Variants in PBX1 observed in about 807,000 individuals in gnomAD.
PBX1 encodes the protein PBX homeobox 1, also known as pre-B-cell leukemia transcription factor 1.
PBX1 carries 6 observed loss-of-function variants against 53.4 expected under a neutral mutation model. The ratio of observed to expected loss-of-function variants is 0.11; its 90% confidence interval spans 0.06 to 0.22. The LOEUF is 0.22. Ranked by LOEUF, PBX1 falls within the 10% of genes least tolerant of loss-of-function variation. PBX1 has a pLI of 1.00. For missense variants in PBX1, 251 were observed against 551.4 expected (o/e 0.46, Z 5.46); for synonymous variants, 204 against 212.3 (o/e 0.96, Z 0.34).
intron 2 of PBX1, among the ~76,000 whole-genome samples, chr1:164,659,109 C>T (rs1380270914): frequency 6.6e-6 from 1 of 152,162 alleles, no homozygotes; most frequent in Admixed American, 6.5e-5. Context: ...TCTCTTTTTC[C>T]CTACAATGAA....
chr1:164,830,193 A>G lies in PBX1; in HGVS notation c.1200+8567A>G, dbSNP rs544667693. 2.0e-5 allele frequency among the ~76,000 whole-genome samples: 3 copies of G among 152,318 alleles called. No homozygotes were observed. The South Asian group carries it at 6.2e-4, about 32-fold the overall frequency. On this transcript the variant is annotated intron_variant, in intron 8 of 8. Transcript: ENST00000420696. ...AAAATATAATTTAAAAATTTAGAAT[A>G]GCTAGGAACTATGAAAAGTAGGAAG...
Position 164,586,360 on chromosome 1 carries a change from G to C in PBX1, c.265+23049G>C, listed in dbSNP as rs568286656. 2.6e-5 allele frequency among the ~76,000 whole-genome samples: 4 copies of C among 152,348 alleles called. No homozygotes were observed. In the South Asian group the frequency reaches 8.3e-4, roughly 32 times the overall value. On this transcript the variant is annotated intron_variant, in intron 2 of 8. Coordinates refer to ENST00000420696, the MANE Select transcript of PBX1 (RefSeq NM_002585.4). ...TCAAACACAGGACTGGGCACGTGATGAATGTTCAATAAATGCATGCTTTCC... is the reference window on the plus strand; with the variant it reads ...TCAAACACAGGACTGGGCACGTGATCAATGTTCAATAAATGCATGCTTTCC...
chr1:164,587,018 A>G (rs1214698048), intron 2 of PBX1, among the ~76,000 whole-genome samples: 2 of 152,188 alleles, frequency 1.3e-5, no homozygotes, highest in African/African-American at 2.4e-5. Flanking sequence ...TAAGGATGTC[A>G]TGCATAACGA....
At position 164,850,947 on chromosome 1, in the gene PBX1, A is replaced by G. The variant is rs1249793506; in HGVS notation, c.*4271A>G. On this transcript the variant is annotated 3_prime_UTR_variant, in exon 9 of 9. Transcript: ENST00000420696. ...CCAAAGAGGCCTTTTCTTCCAGGAG[A>G]GTCCCGCAGGAGATGCTGGTATGAT... 4.7e-6 allele frequency: 1 copy of G among 214,718 alleles called. No homozygotes were observed. The highest frequency in any genetic ancestry group is 9.4e-6 in the Non-Finnish European group (1 of 106,320). 13.3% of individuals were successfully genotyped at this position (214,718 alleles called of 1,614,324 possible).
At chr1:164,707,449 G>A (rs903213780) in intron 2 of PBX1, among the ~76,000 whole-genome samples, 1 of 149,912 alleles carries the variant, frequency 6.7e-6, no homozygotes, top group Non-Finnish European at 1.5e-5. Context: ...GAGAGAGAGA[G>A]AGAGAGAAAG....
intron 8 of PBX1, among the ~76,000 whole-genome samples, chr1:164,824,974 G>A (rs532324049): frequency 9.9e-5 from 15 of 152,074 alleles, no homozygotes; most frequent in African/African-American, 3.4e-4. Context: ...TTTGTCATTC[G>A]TTGCTCAGAA....
intron 2 of PBX1, among the ~76,000 whole-genome samples, chr1:164,774,943 G>A (rs143925167): frequency 4.3e-4 from 66 of 152,288 alleles, no homozygotes; most frequent in Non-Finnish European, 1.0e-4. Context: ...CCTCCTCTGC[G>A]TTCGGAAAAG....
At chr1:164,783,620 A>G (rs1256420404) in intron 2 of PBX1, among the ~76,000 whole-genome samples, 2 of 152,212 alleles carry the variant, frequency 1.3e-5, no homozygotes, top group African/African-American at 2.4e-5. Flanking sequence ...CTTTTGTAAA[A>G]ATAACCTTAT....
chr1:164,620,029 C>CA (rs1657562737), intron 2 of PBX1, among the ~76,000 whole-genome samples: 1 of 151,922 alleles, frequency 6.6e-6, no homozygotes, highest in Non-Finnish European at 1.5e-5. Flanking sequence ...CCTGTTTCTA[C>CA]AAAAAATTAA....
intron 8 of PBX1, among the ~76,000 whole-genome samples, chr1:164,834,029 A>ATATGTGTGTGTGTG (rs755611901): frequency 2.3e-5 from 3 of 128,234 alleles, no homozygotes; most frequent in African/African-American, 5.9e-5. Context: ...ATATATGTAT[A>ATATGTGTGTGTGTG]TGTGTGTGTG....
In PBX1 at chr1:164,559,597, C is replaced by G; in HGVS notation, c.-226C>G. 2 of 352,756 alleles carry G rather than the reference C, an allele frequency of 5.7e-6. No individual in the cohort carries two copies. Among genetic ancestry groups the G allele is most frequent in the Non-Finnish European group, 1.0e-5 (2 of 192,348 alleles). The allele number at this position is 352,756 out of a possible 1,614,324, so 21.9% of individuals were successfully genotyped here. ...ACCAGCCCTTATCCCCACCCTCACC[C>G]CGCAACCCCTTCACGCCCCCTCCCC... On this transcript the variant is annotated 5_prime_UTR_variant, in exon 1 of 9. Coordinates refer to ENST00000420696, the MANE Select transcript of PBX1 (RefSeq NM_002585.4).
rs987811573 is a variant in PBX1 at position 164,847,663 on chromosome 1, C to G, written c.*987C>G. On this transcript the variant is annotated 3_prime_UTR_variant, in exon 9 of 9. Transcript: ENST00000420696. ...TGTAGGCACATGTACCATCTCACAT[C>G]TTCACTTTCCCGAGATGCCATATAC... 37 of 1,059,338 alleles carry G rather than the reference C, an allele frequency of 3.5e-5. No individual in the cohort carries two copies. Among genetic ancestry groups the G allele is most frequent in the Non-Finnish European group, 4.0e-5 (35 of 875,540 alleles). 65.6% of individuals were successfully genotyped at this position (1,059,338 alleles called of 1,614,324 possible).
intron 2 of PBX1, among the ~76,000 whole-genome samples, chr1:164,857,514 C>T (rs543943213): frequency 6.6e-5 from 10 of 152,274 alleles, no homozygotes; most frequent in East Asian, 1.9e-4. Flanking sequence ...GCATTGGTGA[C>T]GCAGGCTATA....
intron 2 of PBX1, among the ~76,000 whole-genome samples, chr1:164,699,601 G>A (rs1176673684): frequency 6.6e-6 from 1 of 152,160 alleles, no homozygotes; most frequent in Non-Finnish European, 1.5e-5. Flanking sequence ...CTTTTCTAAA[G>A]CACTATGAAG....
chr1:164,755,074 GA>G (rs1666436729), intron 2 of PBX1, among the ~76,000 whole-genome samples: 1 of 152,192 alleles, frequency 6.6e-6, no homozygotes, highest in South Asian at 2.1e-4. Flanking sequence ...GAACAAAAGT[GA>G]GTCAACTGTC....
intron 2 of PBX1, among the ~76,000 whole-genome samples, chr1:164,632,542 C>G (rs1231542317): frequency 6.6e-6 from 1 of 152,050 alleles, no homozygotes; most frequent in African/African-American, 2.4e-5. Context: ...GTTTCATAAT[C>G]CATGAATAAT....
intron 2 of PBX1, among the ~76,000 whole-genome samples, chr1:164,741,286 CA>C (rs899346015): frequency 7.2e-5 from 11 of 152,172 alleles, no homozygotes; most frequent in Admixed American, 6.5e-4. Flanking sequence ...CTCATAGGGC[CA>C]GAAGGACTTT....
intron 2 of PBX1, among the ~76,000 whole-genome samples, chr1:164,622,764 TCACA>T (rs139737020): frequency 2.0e-5 from 3 of 149,322 alleles, no homozygotes; most frequent in African/African-American, 4.9e-5. Context: ...TGGTGTGTGC[TCACA>T]CACACACACA....
intron 2 of PBX1, among the ~76,000 whole-genome samples, chr1:164,739,075 AC>A (rs1184651067): frequency 6.6e-6 from 1 of 152,174 alleles, no homozygotes; most frequent in Non-Finnish European, 1.5e-5. Flanking sequence ...GGCTCCATGT[AC>A]CCTGTGTGTT....
Sources: allele counts gnomAD v4.1 joint callset (sites outside exome capture counted in the v4.1 genomes callset), GRCh38; gene constraint gnomAD v4.1.1; transcripts MANE v1.5; gene names NCBI Gene and HGNC (gene_info 2026-07-23, HGNC 2026-07-21).